Variants in SHISA9 observed in about 807,000 individuals in gnomAD.
The protein encoded by SHISA9 is protein shisa-9.
A neutral mutation model predicts 38.0 loss-of-function variants in SHISA9; 13 were observed. The ratio of observed to expected loss-of-function variants is 0.34; its 90% CI spans 0.22 to 0.54. The LOEUF (loss-of-function observed/expected upper bound fraction) is 0.54. SHISA9 is among the 20% of genes least tolerant of loss of function. The pLI is 0.91. For missense variants in SHISA9, 538 were observed against 575.8 expected, an observed-to-expected ratio of 0.93 and a Z score of 0.67; for synonymous variants, 275 against 242.0, an observed-to-expected ratio of 1.14 and a Z score of -1.27.
At chr16:13,091,878 G>A (rs988402921) in intron 2 of SHISA9, among the ~76,000 whole-genome samples, 2 of 152,292 alleles carry the variant, frequency 1.3e-5, no homozygotes, top group South Asian at 2.1e-4. Context: ...GAGGAGAAGA[G>A]GCGCTCTGGT....
intron 2 of SHISA9, among the ~76,000 whole-genome samples, chr16:13,103,423 G>A (rs895296583): frequency 2.6e-5 from 4 of 152,184 alleles, no homozygotes; most frequent in African/African-American, 9.6e-5. Flanking sequence ...GTCACAGAGT[G>A]TCCTTAATGT....
chr16:13,197,164 G>T (rs200517050), intron 2 of SHISA9, among the ~76,000 whole-genome samples: 7,055 of 143,222 alleles, frequency 0.049, 198 homozygotes, highest in South Asian at 0.082. Context: ...TATAGAGAGA[G>T]AGAGAGAGAG....
chr16:13,424,180 C>G, the SHISA9 span, among the ~76,000 whole-genome samples: 3 of 151,830 alleles, frequency 2.0e-5, no homozygotes, highest in Admixed American at 2.0e-4. Flanking sequence ...CTAACTCACG[C>G]CAATTCTGCA....
chr16:13,061,183 C>T (rs1335169576), intron 2 of SHISA9, among the ~76,000 whole-genome samples: 6 of 152,164 alleles, frequency 3.9e-5, no homozygotes, highest in Non-Finnish European at 5.9e-5. Context: ...GGGCCTGATA[C>T]GGCTACAGGC....
intron 2 of SHISA9, among the ~76,000 whole-genome samples, chr16:13,047,920 G>A (rs930769330): frequency 6.6e-5 from 10 of 152,170 alleles, no homozygotes; most frequent in Non-Finnish European, 1.5e-4. Flanking sequence ...CCTTCATGTA[G>A]AGGGACATTG....
At chr16:13,222,733 G>A (rs1284222828) in intron 4 of SHISA9, among the ~76,000 whole-genome samples, 1 of 151,758 alleles carries the variant, frequency 6.6e-6, no homozygotes, top group Admixed American at 6.6e-5. Flanking sequence ...AATGTTCTGA[G>A]TTTTCGCAAG....
At chr16:13,371,879 A>C in the SHISA9 span, among the ~76,000 whole-genome samples, 1 of 152,212 alleles carries the variant, frequency 6.6e-6, no homozygotes, top group African/African-American at 2.4e-5. Flanking sequence ...CCTTTCAGAT[A>C]ATCAAGACCA....
the SHISA9 span, among the ~76,000 whole-genome samples, chr16:13,352,779 G>T: frequency 6.7e-6 from 1 of 149,380 alleles, no homozygotes; most frequent in Non-Finnish European, 1.5e-5. Context: ...GTTCTCTGGC[G>T]GGCAGGAGTG....
chr16:13,528,695 C>A, the SHISA9 span, among the ~76,000 whole-genome samples: 1 of 152,178 alleles, frequency 6.6e-6, no homozygotes, highest in Non-Finnish European at 1.5e-5. Context: ...GTCCCCTGTT[C>A]CAGCACCAGT....
chr16:13,267,391 AC>A, the SHISA9 span, among the ~76,000 whole-genome samples: 3 of 152,182 alleles, frequency 2.0e-5, no homozygotes, highest in Non-Finnish European at 4.4e-5. Flanking sequence ...AAATGAGACT[AC>A]CCAAACTGAT....
chr16:12,904,632 C>T (rs944073917), intron 1 of SHISA9, among the ~76,000 whole-genome samples: 1 of 152,136 alleles, frequency 6.6e-6, no homozygotes, highest in Non-Finnish European at 1.5e-5. Context: ...CCTAGGGTAC[C>T]AGAGCCTCAA....
At chr16:13,524,651 T>C in the SHISA9 span, among the ~76,000 whole-genome samples, 1 of 152,190 alleles carries the variant, frequency 6.6e-6, no homozygotes, top group South Asian at 2.1e-4. Context: ...CTCAAACTCC[T>C]GGGCTCAAGC....
intron 2 of SHISA9, among the ~76,000 whole-genome samples, chr16:13,032,042 A>C (rs1303213002): frequency 2.0e-5 from 3 of 151,848 alleles, no homozygotes; most frequent in African/African-American, 7.3e-5. Flanking sequence ...GTTCTGGGAT[A>C]CATGTGCAGA....
chr16:13,431,106 A>G, the SHISA9 span, among the ~76,000 whole-genome samples: 1 of 152,066 alleles, frequency 6.6e-6, no homozygotes, highest in Non-Finnish European at 1.5e-5. Context: ...ATCTCAGATT[A>G]CCCTAACTGA....
the SHISA9 span, among the ~76,000 whole-genome samples, chr16:13,446,015 T>A: frequency 6.6e-6 from 1 of 152,112 alleles, no homozygotes; most frequent in Non-Finnish European, 1.5e-5. Context: ...CGATCTCAGC[T>A]CACCGCAGCC....
At chr16:13,339,510 A>T in the SHISA9 span, among the ~76,000 whole-genome samples, 2 of 152,228 alleles carry the variant, frequency 1.3e-5, no homozygotes, top group African/African-American at 4.8e-5. Flanking sequence ...AGTAGCACCG[A>T]CATAGAAGTT....
At chr16:13,355,075 G>A in the SHISA9 span, among the ~76,000 whole-genome samples, 4 of 149,674 alleles carry the variant, frequency 2.7e-5, no homozygotes, top group Non-Finnish European at 5.9e-5. Flanking sequence ...ATAATGGGTT[G>A]TAGAGGCAGG....
At chr16:13,025,926 C>A (rs2072915421) in intron 2 of SHISA9, among the ~76,000 whole-genome samples, 1 of 152,048 alleles carries the variant, frequency 6.6e-6, no homozygotes, top group African/African-American at 2.4e-5. Flanking sequence ...CTGCCTCAGC[C>A]TCCTGAGTAG....
At chr16:13,119,605 A>G (rs13334567) in intron 2 of SHISA9, among the ~76,000 whole-genome samples, 2 of 152,222 alleles carry the variant, frequency 1.3e-5, no homozygotes, top group South Asian at 4.1e-4. Context: ...CGAATAACAA[A>G]TAAGTTAATT....
Sources: gnomAD v4.1 joint callset for allele counts (sites outside exome capture counted in the v4.1 genomes callset) on GRCh38, gnomAD v4.1.1 for gene constraint, MANE v1.5 for transcripts, NCBI Gene and HGNC (gene_info 2026-07-23, HGNC 2026-07-21) for gene names.